The following SPAG9 variants were observed in gnomAD, a reference collection of about 807,000 sequenced individuals.
The protein encoded by SPAG9 is sperm associated antigen 9, also known as C-Jun-amino-terminal kinase-interacting protein 4.
In SPAG9, 35 loss-of-function variants were observed where a neutral mutation model predicts 166.5. That is an observed-to-expected ratio of 0.21 (90% CI 0.16 to 0.28). SPAG9 has a LOEUF of 0.28. Ranked by LOEUF, SPAG9 falls within the 10% of genes least tolerant of loss-of-function variation. The pLI, the probability that SPAG9 is intolerant of heterozygous loss-of-function variation, is 1.00. For synonymous variants in SPAG9, 534 were observed against 565.5 expected (o/e 0.94, Z 0.79); for missense variants, 1,235 against 1,603.3 (o/e 0.77, Z 3.92).
intron 3 of SPAG9, among the ~76,000 whole-genome samples, chr17:51,054,506 G>A (rs894699237): frequency 6.6e-6 from 1 of 150,746 alleles, no homozygotes; most frequent in Non-Finnish European, 1.5e-5. Context: ...GCGTGATCTC[G>A]GCTCACTGCA....
At chr17:51,073,256 A>T (rs1294142903) in intron 2 of SPAG9, among the ~76,000 whole-genome samples, 1 of 151,918 alleles carries the variant, frequency 6.6e-6, no homozygotes, top group Non-Finnish European at 1.5e-5. Flanking sequence ...TGAACCCAGG[A>T]GGCGGAGCTT....
intron 3 of SPAG9, among the ~76,000 whole-genome samples, chr17:51,052,479 TAACTG>T (rs1276806933): frequency 1.3e-5 from 2 of 152,074 alleles, no homozygotes; most frequent in Non-Finnish European, 2.9e-5. Context: ...AAGCTGCTCA[TAACTG>T]AGGGAGGAGA....
chr17:50,986,143 A>C (rs1163633405), intron 22 of SPAG9, among the ~76,000 whole-genome samples: 1 of 152,240 alleles, frequency 6.6e-6, no homozygotes, highest in Non-Finnish European at 1.5e-5. Context: ...GGGAGTGGCA[A>C]ACTATGGCCT....
chr17:51,021,203 G>C lies in SPAG9; in HGVS notation c.946C>G (p.His316Asp). 2 of 1,613,968 alleles carry C rather than the reference G, an allele frequency of 1.2e-6. No individual in the cohort carries two copies. Among genetic ancestry groups the C allele is most frequent in the Non-Finnish European group, 1.7e-6 (2 of 1,179,972 alleles). Residue 316 changes from histidine to aspartate, a missense_variant, in exon 7 of 30, where the codon CAC becomes GAC. His to Asp is a moderately conservative substitution (Grantham distance 81). Around this residue, in one of 6 missense-constraint regions of SPAG9, gnomAD observed 288 missense variants for 323.7 expected, o/e 0.89. Coordinates refer to ENST00000262013, the MANE Select transcript of SPAG9 (RefSeq NM_001130528.3). Reference sequence around the variant, plus strand: ...TCCTGGGCTACCTGTACTTCAATGTGTTTGCTTATCTCTGATTTATTTGGC... The same window carrying C: ...TCCTGGGCTACCTGTACTTCAATGTCTTTGCTTATCTCTGATTTATTTGGC... ...DAPNKSEISK[H>D]IEVQVAQETR...
chr17:51,001,182 A>G (rs1179956683), intron 13 of SPAG9, among the ~76,000 whole-genome samples: 1 of 152,232 alleles, frequency 6.6e-6, no homozygotes, highest in Non-Finnish European at 1.5e-5. Flanking sequence ...GCTCATTTAC[A>G]AACTTTTCAG....
intron 2 of SPAG9, among the ~76,000 whole-genome samples, chr17:51,073,907 C>T (rs1379933296): frequency 6.6e-6 from 1 of 152,046 alleles, no homozygotes; most frequent in African/African-American, 2.4e-5. Context: ...TCGAGACCAG[C>T]CTGGCCAATA....
chr17:50,981,896 G>C (rs975546539), intron 25 of SPAG9, among the ~76,000 whole-genome samples: 14 of 151,996 alleles, frequency 9.2e-5, no homozygotes, highest in African/African-American at 2.9e-4. Flanking sequence ...AGCTGGCTGT[G>C]GTGGCGGGAG....
rs2045295008 is a variant in SPAG9, at chr17:51,007,910, A to T, written c.1214-584T>A. On this transcript the variant is annotated intron_variant, in intron 9 of 29. Transcript: ENST00000262013. ...CAAAGAACAAGAAATGTTTTACGTA[A>T]GAAACAGCATGAAAACAGATTATTA... The T allele has an allele frequency of 1.2e-5, 5 of 427,708 alleles. 1 individual carries two copies. The highest frequency in any genetic ancestry group is 7.0e-4 in the Middle Eastern group (2 of 2,856). 26.5% of individuals were successfully genotyped at this position (427,708 alleles called of 1,614,324 possible).
chr17:51,092,351 ATTAT>A (rs1229895397), intron 1 of SPAG9, among the ~76,000 whole-genome samples: 1 of 2,452 alleles, frequency 4.1e-4, no homozygotes, highest in Non-Finnish European at 6.4e-4. Context: ...AAAAAGAACC[ATTAT>A]ATAAAGAGGA....
intron 25 of SPAG9, among the ~76,000 whole-genome samples, chr17:50,980,526 G>A (rs890598313): frequency 6.6e-6 from 1 of 151,094 alleles, no homozygotes; most frequent in Admixed American, 6.6e-5. Flanking sequence ...TTTTATCTCC[G>A]GATTTTGTGT....
chr17:51,065,308 T>C (rs1355822412), intron 2 of SPAG9, among the ~76,000 whole-genome samples: 4 of 152,072 alleles, frequency 2.6e-5, no homozygotes, highest in Non-Finnish European at 4.4e-5. Context: ...CCTGGAATTA[T>C]AGGCACGAGC....
intron 2 of SPAG9, among the ~76,000 whole-genome samples, chr17:51,068,002 T>G (rs1166229159): frequency 6.6e-6 from 1 of 152,198 alleles, no homozygotes; most frequent in Admixed American, 6.5e-5. Flanking sequence ...CCCATCAGAC[T>G]GCTGATAGGC....
At chr17:51,079,055 C>A (rs374264771) in intron 2 of SPAG9, among the ~76,000 whole-genome samples, 11 of 152,086 alleles carry the variant, frequency 7.2e-5, no homozygotes, top group African/African-American at 2.7e-4. Flanking sequence ...TGAGTCTGAT[C>A]GATATATCTG....
At chr17:51,069,235 G>A (rs976621520) in intron 2 of SPAG9, among the ~76,000 whole-genome samples, 6 of 151,378 alleles carry the variant, frequency 4.0e-5, no homozygotes, top group East Asian at 1.9e-4. Flanking sequence ...ATAAATCTTC[G>A]TAATCTACTT....
At chr17:51,117,035 T>C (rs1045660810) in intron 1 of SPAG9, among the ~76,000 whole-genome samples, 1 of 152,174 alleles carries the variant, frequency 6.6e-6, no homozygotes, top group African/African-American at 2.4e-5. Context: ...ATTTCTTGAT[T>C]AGCATCTGAA....
chr17:51,031,881 T>C lies in SPAG9; in HGVS notation c.742-159A>G, dbSNP rs969013503. On this transcript the variant is annotated intron_variant, in intron 5 of 29. Transcript: ENST00000262013. ...TTGGAAGCTTTGTTTTATTTTGACT[T>C]AAGCTGACCTTAACACTCTAGTTTA... is the stretch of plus-strand genomic sequence containing the variant. 7 of 702,636 alleles carry C rather than the reference T, an allele frequency of 1.0e-5. No individual in the cohort carries two copies. In the Admixed American group the frequency reaches 1.4e-4, roughly 14 times the overall value. 43.5% of individuals were successfully genotyped at this position (702,636 alleles called of 1,614,324 possible). A position where few individuals can be genotyped will look rare whatever the true frequency, so the allele number is the denominator to read the frequency against.
chr17:51,029,310 C>T (rs948509802), intron 6 of SPAG9, among the ~76,000 whole-genome samples: 1 of 152,152 alleles, frequency 6.6e-6, no homozygotes, highest in Non-Finnish European at 1.5e-5. Context: ...AGGATGACCA[C>T]TATCAAGAAA....
chr17:51,013,756 T>C (rs1304144858), intron 9 of SPAG9, among the ~76,000 whole-genome samples: 6 of 152,216 alleles, frequency 3.9e-5, no homozygotes, highest in African/African-American at 7.2e-5. Context: ...ATATTTACCA[T>C]AGGGCTAAAA....
chr17:51,051,825 A>G (rs1203606179), intron 3 of SPAG9, among the ~76,000 whole-genome samples: 1 of 152,160 alleles, frequency 6.6e-6, no homozygotes, highest in Non-Finnish European at 1.5e-5. Context: ...CTAAACCTCA[A>G]TCTGTAAAAT....
Sources: gnomAD v4.1 joint callset for allele counts (sites outside exome capture counted in the v4.1 genomes callset) on GRCh38, gnomAD v4.1.1 for gene constraint, gnomAD v4.1.1 regional missense constraint, MANE v1.5 for transcripts, NCBI Gene and HGNC (gene_info 2026-07-23, HGNC 2026-07-21) for gene names.